LSAMP: variants seen among roughly 807,000 people sequenced by gnomAD.
LSAMP encodes the protein limbic system-associated membrane protein.
LSAMP carries 7 observed loss-of-function variants against 38.6 expected under a neutral mutation model. That is an observed-to-expected ratio of 0.18 (90% CI 0.10 to 0.34). The LOEUF is 0.34. LSAMP is among the 10% of genes least tolerant of loss of function. LSAMP has a pLI of 1.00. For missense variants in LSAMP, 313 were observed against 420.0 expected (o/e 0.75, Z 2.23); for synonymous variants, 154 against 166.8 (o/e 0.92, Z 0.59).
At chr3:116,029,061 A>G (rs901393895) in intron 2 of LSAMP, among the ~76,000 whole-genome samples, 1 of 152,174 alleles carries the variant, frequency 6.6e-6, no homozygotes, top group Non-Finnish European at 1.5e-5. Context: ...AAAAGCTGCC[A>G]AAATAAAATT....
intron 3 of LSAMP, among the ~76,000 whole-genome samples, chr3:115,900,465 A>C (rs934942180): frequency 1.3e-5 from 2 of 150,360 alleles, no homozygotes; most frequent in Non-Finnish European, 3.0e-5. Context: ...GCAGTGAGCC[A>C]AGATAGCACC....
chr3:116,422,609 G>A lies in LSAMP; in HGVS notation c.155+22268C>T, dbSNP rs115609458. On this transcript the variant is annotated intron_variant, in intron 1 of 6. Transcript: ENST00000490035. ...GGAGTACAAATGGGGACTGACTAAA[G>A]GTGGGCATGAAAAAAATTTTGGGAA... 6.4e-3 allele frequency among the ~76,000 whole-genome samples: 974 copies of A among 152,172 alleles called. 13 individuals are homozygous for A. Among genetic ancestry groups the A allele is most frequent in the African/African-American group, 0.022 (918 of 41,514 alleles).
At chr3:116,134,897 C>A (rs1036311641) in intron 1 of LSAMP, among the ~76,000 whole-genome samples, 1 of 152,154 alleles carries the variant, frequency 6.6e-6, no homozygotes, top group Admixed American at 6.5e-5. Context: ...GAAATTAGTA[C>A]TTCTATGGGA....
intron 1 of LSAMP, among the ~76,000 whole-genome samples, chr3:116,107,152 TAC>T (rs1559745098): frequency 1.3e-5 from 2 of 151,972 alleles, no homozygotes. Context: ...ATCAGAGAGA[TAC>T]AGTCATGAAG....
At chr3:116,395,241 T>C (rs1229086453) in intron 1 of LSAMP, among the ~76,000 whole-genome samples, 2 of 152,224 alleles carry the variant, frequency 1.3e-5, no homozygotes, top group Non-Finnish European at 2.9e-5. Flanking sequence ...CATAAAGCTT[T>C]CTCTGCCATT....
chr3:116,186,705 G>A (rs559218862), intron 1 of LSAMP, among the ~76,000 whole-genome samples: 1 of 152,160 alleles, frequency 6.6e-6, no homozygotes, highest in African/African-American at 2.4e-5. Flanking sequence ...CTTCTCACAC[G>A]ATATAATCTT....
intron 1 of LSAMP, among the ~76,000 whole-genome samples, chr3:116,119,538 C>T (rs1708828246): frequency 1.3e-5 from 2 of 151,892 alleles, no homozygotes; most frequent in South Asian, 4.2e-4. Context: ...AAATATATAC[C>T]ATGAATACTA....
Position 115,826,953 on chromosome 3 carries a change from C to T in LSAMP, c.919+14892G>A, listed in dbSNP as rs190559887. Reference sequence around the variant, plus strand: ...CAGCCTCCAATTAATGGGATCATTCCGTCTTTTTTTTTTTTTTTTTTTTAA... The same window carrying T: ...CAGCCTCCAATTAATGGGATCATTCTGTCTTTTTTTTTTTTTTTTTTTTAA... On this transcript the variant is annotated intron_variant, in intron 6 of 6. Transcript: ENST00000490035. Among the ~76,000 whole-genome samples the T allele has an allele frequency of 2.8e-4, 38 of 134,894 alleles. No homozygotes were observed. The East Asian group carries it at 3.8e-3, about 13-fold the overall frequency. 88.5% of individuals were successfully genotyped at this position (134,894 alleles called of 152,430 possible). A position where few individuals can be genotyped will look rare whatever the true frequency, so the allele number is the denominator to read the frequency against.
chr3:115,898,393 G>A (rs73149020), intron 3 of LSAMP, among the ~76,000 whole-genome samples: 19,354 of 151,906 alleles, frequency 0.13, 1,404 homozygotes, highest in Middle Eastern at 0.21. Flanking sequence ...GCCATAAGGT[G>A]CACTTTGGGA....
chr3:115,930,691 TA>T (rs1381670545), intron 3 of LSAMP, among the ~76,000 whole-genome samples: 1 of 152,182 alleles, frequency 6.6e-6, no homozygotes, highest in African/African-American at 2.4e-5. Context: ...TGAACGACTT[TA>T]AAGTGCAGTA....
chr3:116,027,483 T>C lies in LSAMP; in HGVS notation c.389-7843A>G, dbSNP rs532430029. Among the ~76,000 whole-genome samples the C allele has an allele frequency of 2.2e-4, 33 of 152,270 alleles. 1 individual carries two copies. Among genetic ancestry groups the C allele is most frequent in the Admixed American group, 2.1e-3 (32 of 15,270 alleles). ...TCCAATGGACCACCTGCTTTATACATCAGACTAGCCAGTCAATTTCTATTG... is the reference window on the plus strand; with the variant it reads ...TCCAATGGACCACCTGCTTTATACACCAGACTAGCCAGTCAATTTCTATTG... On this transcript the variant is annotated intron_variant, in intron 2 of 6. Coordinates refer to ENST00000490035, the MANE Select transcript of LSAMP (RefSeq NM_002338.5).
At chr3:115,997,090 A>G (rs1344169114) in intron 3 of LSAMP, among the ~76,000 whole-genome samples, 9 of 152,154 alleles carry the variant, frequency 5.9e-5, no homozygotes, top group Non-Finnish European at 1.2e-4. Flanking sequence ...AGAAATCACA[A>G]AGGATGCTTG....
At chr3:116,355,510 C>A (rs147234115) in intron 1 of LSAMP, among the ~76,000 whole-genome samples, 1 of 152,228 alleles carries the variant, frequency 6.6e-6, no homozygotes, top group East Asian at 1.9e-4. Context: ...GATAAACTCT[C>A]CACAACATTG....
At chr3:116,108,286 G>A (rs558003104) in intron 1 of LSAMP, among the ~76,000 whole-genome samples, 1,675 of 151,562 alleles carry the variant, frequency 0.011, 29 homozygotes, top group African/African-American at 0.035. Flanking sequence ...AAAGTATCTC[G>A]GCCTAATAAG....
At chr3:116,422,749 A>C (rs552848514) in intron 1 of LSAMP, among the ~76,000 whole-genome samples, 2 of 152,360 alleles carry the variant, frequency 1.3e-5, no homozygotes, top group South Asian at 4.1e-4. Context: ...TATAAGTTGT[A>C]CCTCATTAAA....
chr3:116,182,376 CTT>C (rs1491397156), intron 1 of LSAMP, among the ~76,000 whole-genome samples: 1 of 150,698 alleles, frequency 6.6e-6, no homozygotes, highest in Non-Finnish European at 1.5e-5. Flanking sequence ...ATATATTGAA[CTT>C]ATATATATAT....
intron 6 of LSAMP, among the ~76,000 whole-genome samples, chr3:115,824,095 T>C (rs531611017): frequency 6.6e-6 from 1 of 152,280 alleles, no homozygotes; most frequent in Non-Finnish European, 1.5e-5. Flanking sequence ...GCCTGAGAGG[T>C]TTAGTTTTTA....
At chr3:115,942,931 A>G (rs1269627220) in intron 3 of LSAMP, among the ~76,000 whole-genome samples, 1 of 152,198 alleles carries the variant, frequency 6.6e-6, no homozygotes, top group Non-Finnish European at 1.5e-5. Flanking sequence ...GATCAATTTT[A>G]TAATGTAGTA....
chr3:116,024,824 C>T (rs9845521), intron 2 of LSAMP, among the ~76,000 whole-genome samples: 67,841 of 150,046 alleles, frequency 0.45, 16,622 homozygotes, highest in African/African-American at 0.65. Context: ...TTATTACTAC[C>T]ACTACTACCA....
Sources: allele counts gnomAD v4.1 joint callset (sites outside exome capture counted in the v4.1 genomes callset), GRCh38; gene constraint gnomAD v4.1.1; transcripts MANE v1.5; gene names NCBI Gene and HGNC (gene_info 2026-07-23, HGNC 2026-07-21).